CAPN3: variants seen among roughly 807,000 people sequenced by gnomAD.
CAPN3 encodes calpain 3, also known as calpain-3.
In CAPN3, 88 loss-of-function variants were observed where a neutral mutation model predicts 114.0. The ratio of observed to expected loss-of-function variants is 0.77; its 90% CI spans 0.65 to 0.92. The LOEUF (loss-of-function observed/expected upper bound fraction) is 0.92, where lower values mean the gene tolerates loss of function less well. Ranked by LOEUF, CAPN3 falls within the 40% of genes least tolerant of loss-of-function variation. The pLI, the probability that CAPN3 is intolerant of heterozygous loss-of-function variation, is 0.00. For missense variants in CAPN3, 1,028 were observed against 1,069.0 expected (o/e 0.96, Z 0.53); for synonymous variants, 386 against 382.9 (o/e 1.01, Z -0.09).
At chr15:42,402,398 C>T in intron 12 of CAPN3, 1 of 1,444,526 alleles carries the variant, frequency 6.9e-7, no homozygotes, top group Non-Finnish European at 9.1e-7. Flanking sequence ...CACCCTCCTC[C>T]ACGCTTACAG....
In CAPN3 at chr15:42,389,983, CCTT is replaced by C. The variant is rs776185666; in HGVS notation, c.835_837del (p.Ser279del). 21 of 1,614,106 alleles carry C rather than the reference CCTT, an allele frequency of 1.3e-5. No individual in the cohort carries two copies. Among genetic ancestry groups the C allele is most frequent in the Non-Finnish European group, 1.6e-5 (19 of 1,180,016 alleles). On this transcript the variant is annotated inframe_deletion, in exon 6 of 24. Transcript: ENST00000397163. ...CACGAACATGACCTATGGAACCTCT[CCTT>C]CTGGTCTGAACATGGGGGAGTTGAT...
rs762352510 is a variant in CAPN3 at position 42,409,398 on chromosome 15, C to G, written c.1992+18C>G. ...CAGGAGATGTGAGTACCTCCAAGCCCAGGACGCCCACAGGTGCTTCCTTCT... is the reference window on the plus strand; with the variant it reads ...CAGGAGATGTGAGTACCTCCAAGCCGAGGACGCCCACAGGTGCTTCCTTCT... On this transcript the variant is annotated intron_variant, in intron 17 of 23. Transcript: ENST00000397163. 1.9e-6 allele frequency: 3 copies of G among 1,607,176 alleles called. No individual in the cohort carries two copies. In the Admixed American group the frequency reaches 5.0e-5, roughly 27 times the overall value.
intron 16 of CAPN3, chr15:42,408,611 AG>A (rs746112061): frequency 2.4e-6 from 1 of 414,894 alleles, no homozygotes; most frequent in Non-Finnish European, 4.6e-6. Flanking sequence ...AGGCTGAGAC[AG>A]AACCAGCTTG....
intron 15 of CAPN3, among the ~76,000 whole-genome samples, 161 bp downstream of exon 15, chr15:42,406,104 G>A (rs549729850): frequency 1.2e-4 from 19 of 152,242 alleles, no homozygotes; most frequent in African/African-American, 4.3e-4. Flanking sequence ...GTGCAGTAAT[G>A]ACAACTACGA....
chr15:42,405,405 G>A (rs887572161), intron 14 of CAPN3, among the ~76,000 whole-genome samples: 1 of 152,088 alleles, frequency 6.6e-6, no homozygotes, highest in Non-Finnish European at 1.5e-5. Context: ...CCGCCTCCCG[G>A]GTTCAAGCAA....
chr15:42,406,741 C>T (rs776370291), intron 15 of CAPN3, among the ~76,000 whole-genome samples: 4 of 152,146 alleles, frequency 2.6e-5, no homozygotes, highest in Non-Finnish European at 2.9e-5. Flanking sequence ...CACACTCGGG[C>T]CTGCCAGTGT....
At chr15:42,394,455 C>CA (rs1391570952) in intron 8 of CAPN3, 114 bp downstream of exon 8, 2 of 852,578 alleles carry the variant, frequency 2.3e-6, no homozygotes, top group Non-Finnish European at 3.8e-6. Flanking sequence ...AAATCACCCT[C>CA]AAAACCAATG....
At chr15:42,389,803 C>A in intron 5 of CAPN3, 150 bp from the exon 6 acceptor site, 1 of 869,672 alleles carries the variant, frequency 1.1e-6, no homozygotes, top group Non-Finnish European at 1.9e-6. Context: ...TATCACTTTT[C>A]TCCGTCTTTC....
chr15:42,375,960 G>C (rs1364288597), intron 1 of CAPN3, among the ~76,000 whole-genome samples: 4 of 152,206 alleles, frequency 2.6e-5, no homozygotes, highest in Non-Finnish European at 4.4e-5. Flanking sequence ...TGCCTTCTCT[G>C]GTGTTTTATG....
At chr15:42,384,612 A>G (rs2053339968) in intron 2 of CAPN3, 60 bp downstream of exon 2, 1 of 1,266,268 alleles carries the variant, frequency 7.9e-7, no homozygotes, top group South Asian at 1.2e-5. Flanking sequence ...ACAAGGTGTG[A>G]TCCCCTTCCA....
At chr15:42,398,261 A>C (rs28745876) in intron 9 of CAPN3, among the ~76,000 whole-genome samples, 60 of 152,082 alleles carry the variant, frequency 3.9e-4, no homozygotes, top group Admixed American at 2.8e-3. Context: ...TGTGTTGGGA[A>C]CATTACAATT....
chr15:42,383,977 C>T lies in CAPN3; in HGVS notation c.310-506C>T, dbSNP rs573723505. ...GGAGGCATGTTTCTGGCTTCTGCTA[C>T]TTACTAGCTGTGTGTCTTTGCACGA... On this transcript the variant is annotated intron_variant, in intron 1 of 23. Transcript: ENST00000397163. 3.9e-5 allele frequency among the ~76,000 whole-genome samples: 6 copies of T among 152,320 alleles called. No individual in the cohort carries two copies. In the East Asian group the frequency reaches 1.2e-3, roughly 29 times the overall value.
At chr15:42,374,991 A>G (rs563563359) in intron 1 of CAPN3, among the ~76,000 whole-genome samples, 14 of 61,536 alleles carry the variant, frequency 2.3e-4, no homozygotes, top group Admixed American at 6.1e-4. Flanking sequence ...ATAAAAATTT[A>G]TTTATTTATT....
intron 8 of CAPN3, 95 bp from the exon 9 acceptor site, chr15:42,396,705 C>T: frequency 1.0e-6 from 1 of 955,540 alleles, no homozygotes; most frequent in South Asian, 1.3e-5. Flanking sequence ...TTCACAGCAG[C>T]TGCAACTCTT....
At chr15:42,411,408 G>T in intron 23 of CAPN3, 63 bp downstream of exon 23, 4 of 1,440,000 alleles carry the variant, frequency 2.8e-6, no homozygotes, top group Non-Finnish European at 3.9e-6. Flanking sequence ...GGGTCAACGG[G>T]GCGGACTGGA....
chr15:42,401,367 G>A (rs139691902), intron 10 of CAPN3, among the ~76,000 whole-genome samples: 138 of 151,884 alleles, frequency 9.1e-4, no homozygotes, highest in African/African-American at 3.3e-3. Context: ...CGTTTAAGGG[G>A]CAGGTAAGGA....
chr15:42,391,670 G>A (rs754672790), intron 6 of CAPN3, among the ~76,000 whole-genome samples: 2 of 152,196 alleles, frequency 1.3e-5, no homozygotes, highest in Non-Finnish European at 2.9e-5. Context: ...GGACTTTAGT[G>A]ATCCTGCCCT....
intron 1 of CAPN3, among the ~76,000 whole-genome samples, chr15:42,362,279 T>G (rs2052665078): frequency 1.3e-5 from 2 of 152,156 alleles, no homozygotes; most frequent in South Asian, 4.1e-4. Context: ...TAAAAGCTCT[T>G]TCTCAGAATG....
chr15:42,402,290 G>A, intron 12 of CAPN3, 155 bp downstream of exon 12: 1 of 1,583,806 alleles, frequency 6.3e-7, no homozygotes, highest in Non-Finnish European at 8.5e-7. Context: ...CAGAGCAGGT[G>A]CCTCAGGGCA....
Sources: gnomAD v4.1 joint callset for allele counts (sites outside exome capture counted in the v4.1 genomes callset) on GRCh38, gnomAD v4.1.1 for gene constraint, MANE v1.5 for transcripts, NCBI Gene and HGNC (gene_info 2026-07-23, HGNC 2026-07-21) for gene names.